The following RHBDL2 variants were observed in gnomAD, a reference collection of about 807,000 sequenced individuals.
RHBDL2 encodes rhomboid like 2.
RHBDL2 carries 26 observed loss-of-function variants against 31.7 expected under a neutral mutation model. The ratio of observed to expected loss-of-function variants is 0.82; its 90% confidence interval spans 0.60 to 1.14. RHBDL2 has a LOEUF of 1.14. Among genes scored for constraint, RHBDL2 ranks in the 50% most tolerant of loss-of-function variants. RHBDL2 has a pLI of 0.00. For missense variants in RHBDL2, 336 were observed against 364.4 expected, an observed-to-expected ratio of 0.92 and a Z score of 0.63; for synonymous variants, 123 against 127.2, an observed-to-expected ratio of 0.97 and a Z score of 0.22.
intron 4 of RHBDL2, among the ~76,000 whole-genome samples, chr1:38,897,797 G>A (rs1030698233): frequency 3.1e-4 from 47 of 152,156 alleles, no homozygotes; most frequent in African/African-American, 1.1e-3. Context: ...AAAAGCAATG[G>A]CATACAAACA....
chr1:38,911,255 G>A (rs1643137384), intron 4 of RHBDL2, 67 bp downstream of exon 4: 1 of 1,028,446 alleles, frequency 9.7e-7, no homozygotes, highest in Non-Finnish European at 1.5e-6. Flanking sequence ...CTATAAGTGT[G>A]TATTTCATTT....
chr1:38,898,026 G>A (rs1010835453), intron 4 of RHBDL2, among the ~76,000 whole-genome samples: 1 of 152,218 alleles, frequency 6.6e-6, no homozygotes, highest in African/African-American at 2.4e-5. Context: ...AGCTATTTGG[G>A]AGGCTGAGGC....
intron 1 of RHBDL2, among the ~76,000 whole-genome samples, chr1:38,940,088 G>C (rs1255672591): frequency 1.3e-5 from 2 of 152,246 alleles, no homozygotes; most frequent in East Asian, 3.9e-4. Context: ...TTAGCCATGT[G>C]ACCTTAGGCA....
intron 7 of RHBDL2, 45 bp downstream of exon 7, chr1:38,887,918 C>G: frequency 7.3e-7 from 1 of 1,378,042 alleles, no homozygotes; most frequent in Non-Finnish European, 1.0e-6. Flanking sequence ...CCCTTTTTGA[C>G]AGTAAACTAA....
At chr1:38,896,160 G>T in intron 4 of RHBDL2, 91 bp from the exon 5 acceptor site, 1 of 958,728 alleles carries the variant, frequency 1.0e-6, no homozygotes, top group Non-Finnish European at 1.6e-6. Flanking sequence ...TGGGAAGTCT[G>T]GTCTATTATC....
chr1:38,895,413 G>A (rs984307520), intron 5 of RHBDL2, among the ~76,000 whole-genome samples: 1 of 151,974 alleles, frequency 6.6e-6, no homozygotes, highest in Non-Finnish European at 1.5e-5. Flanking sequence ...CCACCCAACT[G>A]TTAACAGATA....
chr1:38,908,513 C>CAA (rs35185971), intron 4 of RHBDL2, among the ~76,000 whole-genome samples: 1,533 of 66,480 alleles, frequency 0.023, 14 homozygotes, highest in African/African-American at 0.048. Context: ...ACTCCGTCTC[C>CAA]AAAAAAAAAA....
At chr1:38,917,017 CT>C (rs547654933) in intron 2 of RHBDL2, among the ~76,000 whole-genome samples, 127 of 119,906 alleles carry the variant, frequency 1.1e-3, no homozygotes, top group East Asian at 2.6e-3. Context: ...CAGGAACTTT[CT>C]TTTTTTTTTT....
chr1:38,904,887 C>T (rs1461788242), intron 4 of RHBDL2, among the ~76,000 whole-genome samples: 6 of 148,792 alleles, frequency 4.0e-5, no homozygotes, highest in South Asian at 2.1e-4. Context: ...AAAAATTAGC[C>T]GGGCGTGGTA....
intron 2 of RHBDL2, among the ~76,000 whole-genome samples, chr1:38,916,930 T>TG (rs1321149437): frequency 1.3e-5 from 2 of 150,946 alleles, no homozygotes; most frequent in Non-Finnish European, 2.9e-5. Context: ...ATCCTGGGTT[T>TG]GAAAAAAAAG....
chr1:38,917,672 G>A (rs942840), intron 2 of RHBDL2, among the ~76,000 whole-genome samples: 144,806 of 152,258 alleles, frequency 0.95, 69,187 homozygotes, highest in African/African-American at 0.99. Context: ...CAGTCTCACA[G>A]TGAAATCCTG....
intron 4 of RHBDL2, among the ~76,000 whole-genome samples, chr1:38,904,086 C>A (rs529576164): frequency 3.2e-4 from 48 of 152,262 alleles, no homozygotes; most frequent in Admixed American, 2.5e-3. Flanking sequence ...CCAGATGATA[C>A]ACCTAAATGG....
intron 1 of RHBDL2, among the ~76,000 whole-genome samples, chr1:38,933,689 C>A (rs1413667781): frequency 2.0e-5 from 3 of 151,512 alleles, no homozygotes; most frequent in Admixed American, 1.3e-4. Context: ...ACATGGCCGG[C>A]GATGTTTATC....
intron 7 of RHBDL2, among the ~76,000 whole-genome samples, chr1:38,887,430 G>T (rs539379062): frequency 1.3e-5 from 2 of 151,444 alleles, no homozygotes; most frequent in Non-Finnish European, 3.0e-5. Flanking sequence ...ATTCTCTCCT[G>T]TTTTTTGTTT....
chr1:38,927,301 C>A (rs191955865), intron 1 of RHBDL2, among the ~76,000 whole-genome samples: 1 of 152,124 alleles, frequency 6.6e-6, no homozygotes, highest in Non-Finnish European at 1.5e-5. Flanking sequence ...GTGGCGGGCG[C>A]CTGTAGTCCC....
chr1:38,925,511 T>C (rs1643365384), intron 1 of RHBDL2, among the ~76,000 whole-genome samples: 1 of 148,828 alleles, frequency 6.7e-6, no homozygotes, highest in African/African-American at 2.6e-5. Flanking sequence ...AGTGAGATTC[T>C]GTCTCAAAAA....
At chr1:38,917,977 G>C (rs1310490394) in intron 2 of RHBDL2, among the ~76,000 whole-genome samples, 2 of 152,180 alleles carry the variant, frequency 1.3e-5, no homozygotes, top group Admixed American at 1.3e-4. Context: ...TGAAGGCCTT[G>C]CTAGAGAAAA....
intron 3 of RHBDL2, 110 bp from the exon 4 acceptor site, chr1:38,911,544 T>C: frequency 1.4e-6 from 1 of 706,516 alleles, no homozygotes; most frequent in Non-Finnish European, 2.4e-6. Flanking sequence ...TTTGCTTAAC[T>C]AGAATTCCAT....
At chr1:38,887,887 G>A (rs944007580) in intron 7 of RHBDL2, 76 bp downstream of exon 7, 51 of 1,057,344 alleles carry the variant, frequency 4.8e-5, no homozygotes, top group East Asian at 7.2e-5. Flanking sequence ...AAATCACAGC[G>A]TTGTAACCCC....
Sources: allele counts gnomAD v4.1 joint callset (sites outside exome capture counted in the v4.1 genomes callset), GRCh38; gene constraint gnomAD v4.1.1; transcripts MANE v1.5; gene names NCBI Gene and HGNC (gene_info 2026-07-23, HGNC 2026-07-21).